The following CEP126 variants were observed in gnomAD, a reference collection of about 807,000 sequenced individuals.
CEP126 encodes the protein centrosomal protein of 126 kDa.
Under a neutral mutation model 107.8 loss-of-function variants are expected in CEP126, and 74 were observed. The observed-to-expected ratio is 0.69, with a 90% confidence interval of 0.57 to 0.83. The LOEUF (loss-of-function observed/expected upper bound fraction) is 0.83. Ranked by LOEUF, CEP126 falls within the 40% of genes least tolerant of loss-of-function variation. CEP126 has a pLI of 0.00. For synonymous variants in CEP126, 449 were observed against 446.0 expected, an observed-to-expected ratio of 1.01 and a Z score of -0.08; for missense variants, 1,237 against 1,281.9, an observed-to-expected ratio of 0.96 and a Z score of 0.53.
At chr11:101,990,153 G>A (rs1941361174) in intron 9 of CEP126, among the ~76,000 whole-genome samples, 1 of 151,632 alleles carries the variant, frequency 6.6e-6, no homozygotes, top group African/African-American at 2.4e-5. Context: ...GGAGCCATAG[G>A]CACAAGGGAA....
Position 101,922,775 on chromosome 11 carries a change from T to C in CEP126, c.248+15T>C. 1 of 1,602,258 alleles carries C rather than the reference T, an allele frequency of 6.2e-7. No homozygotes were observed. Among genetic ancestry groups the C allele is most frequent in the South Asian group, 1.1e-5 (1 of 90,492 alleles). On this transcript the variant is annotated intron_variant, in intron 2 of 10. Transcript: ENST00000263468. Reference sequence around the variant, plus strand: ...CGGAGAAAAAAGTAAGTAATTGCACTTTATTCAGAAGTATAGAAATTCAAA... The same window carrying C: ...CGGAGAAAAAAGTAAGTAATTGCACCTTATTCAGAAGTATAGAAATTCAAA...
At chr11:101,966,461 A>G (rs985720371) in intron 6 of CEP126, among the ~76,000 whole-genome samples, 2 of 152,122 alleles carry the variant, frequency 1.3e-5, no homozygotes, top group African/African-American at 2.4e-5. Context: ...GCATTTCCAG[A>G]ACACTCTAGC....
intron 5 of CEP126, 142 bp downstream of exon 5, chr11:101,958,508 C>G: frequency 1.5e-6 from 1 of 653,548 alleles, no homozygotes; most frequent in Non-Finnish European, 2.6e-6. Flanking sequence ...AGCACAAATT[C>G]ATCATAGAAA....
At chr11:101,977,736 A>G (rs1387681958) in intron 6 of CEP126, among the ~76,000 whole-genome samples, 1 of 152,154 alleles carries the variant, frequency 6.6e-6, no homozygotes, top group Non-Finnish European at 1.5e-5. Context: ...AAGCCCTACA[A>G]AAGTTATTTT....
At chr11:101,925,209 TA>T (rs1222850755) in intron 2 of CEP126, among the ~76,000 whole-genome samples, 1 of 152,210 alleles carries the variant, frequency 6.6e-6, no homozygotes, top group East Asian at 1.9e-4. Flanking sequence ...TGTATTCCAT[TA>T]GTTTGCTGGA....
Position 101,962,609 on chromosome 11 carries a change from C to T in CEP126, c.1574C>T (p.Ala525Val), listed in dbSNP as rs764696340. The part of the protein sequence containing the change: ...LPLFSDSFQD[A>V]YIPHNPDSKD... ...TTATTTTCAGACAGTTTTCAAGATG[C>T]CTATATACCTCACAATCCTGATTCA... The change falls in exon 6 of 11, where the codon GCC becomes GTC. Residue 525 changes from alanine to valine, a missense_variant. Physicochemically the swap from Ala to Val is moderately conservative, Grantham distance 64. Coordinates refer to ENST00000263468, the MANE Select transcript of CEP126 (RefSeq NM_020802.4). 6.2e-7 allele frequency: 1 copy of T among 1,613,484 alleles called. No individual in the cohort carries two copies. Among genetic ancestry groups the T allele is most frequent in the Non-Finnish European group, 8.5e-7 (1 of 1,179,830 alleles).
intron 3 of CEP126, 51 bp from the exon 4 acceptor site, chr11:101,947,980 C>T: frequency 2.4e-6 from 2 of 819,766 alleles, no homozygotes; most frequent in Non-Finnish European, 3.8e-6. Context: ...TGTAAAGTGA[C>T]CACTGAAGAT....
chr11:101,962,116 A>G lies in CEP126; in HGVS notation c.1081A>G (p.Thr361Ala). The change falls in exon 6 of 11, where the codon ACA (threonine) becomes GCA (alanine). Residue 361 changes from threonine to alanine, a missense_variant. Transcript: ENST00000263468. ...SPLNGTVERA[T>A]NTANNSVPFV... ...TTTGAATGGAACAGTGGAAAGAGCC[A>G]CAAATACTGCTAATAATTCAGTACC... 2 of 1,612,184 alleles carry G rather than the reference A, an allele frequency of 1.2e-6. No homozygotes were observed.
intron 4 of CEP126, among the ~76,000 whole-genome samples, chr11:101,951,279 G>T (rs2137101774): frequency 6.6e-6 from 1 of 152,150 alleles, no homozygotes; most frequent in Admixed American, 6.6e-5. Flanking sequence ...TGAGGAAGGA[G>T]AATCAATTAA....
intron 2 of CEP126, among the ~76,000 whole-genome samples, chr11:101,937,376 G>A (rs1249608811): frequency 1.3e-5 from 2 of 152,182 alleles, no homozygotes; most frequent in Admixed American, 6.5e-5. Context: ...TCAAGGTAAT[G>A]AACCAGTACA....
At position 101,962,429 on chromosome 11, in the gene CEP126, T is replaced by C. The variant is rs1940989674; in HGVS notation, c.1394T>C (p.Leu465Ser). 1 of 1,613,906 alleles carries C rather than the reference T, an allele frequency of 6.2e-7. No homozygotes were observed. ...GTACCAGTGGCAACGCCTTTAGTTT[T>C]GCCATCTAATATACAGTCAGCTAGA... ...SCVPVATPLV[L>S]PSNIQSARPS... is the part of the protein sequence containing the mutation. Residue 465 changes from leucine to serine, a missense_variant, in exon 6 of 11, where the codon TTG becomes TCG. This residue lies in a region of CEP126 where 1,134 missense variants were observed against 1,150.5 expected (regional missense o/e 0.99). Coordinates refer to ENST00000263468, the MANE Select transcript of CEP126 (RefSeq NM_020802.4).
intron 4 of CEP126, chr11:101,956,626 T>C (rs1940896729): frequency 2.2e-6 from 1 of 456,278 alleles, no homozygotes; most frequent in Non-Finnish European, 4.4e-6. Flanking sequence ...CGACTTCCTG[T>C]TCTACTTCTC....
At chr11:101,992,461 G>T (rs915050918) in intron 9 of CEP126, among the ~76,000 whole-genome samples, 5 of 151,670 alleles carry the variant, frequency 3.3e-5, no homozygotes, top group African/African-American at 4.8e-5. Context: ...CTCCAAGGAT[G>T]AAATTAATAT....
chr11:101,979,489 T>A (rs1038205012), intron 7 of CEP126, among the ~76,000 whole-genome samples: 1 of 152,188 alleles, frequency 6.6e-6, no homozygotes, highest in Non-Finnish European at 1.5e-5. Context: ...GGCTCATGCC[T>A]GTAGTCCCAG....
chr11:101,997,503 G>C, intron 10 of CEP126, 96 bp from the exon 11 acceptor site: 1 of 1,589,606 alleles, frequency 6.3e-7, no homozygotes, highest in Non-Finnish European at 8.6e-7. Flanking sequence ...ATGTCAGGAT[G>C]TGTTGAATAT....
At chr11:101,959,991 G>A (rs1271855860) in intron 5 of CEP126, among the ~76,000 whole-genome samples, 10 of 152,128 alleles carry the variant, frequency 6.6e-5, no homozygotes, top group Admixed American at 2.6e-4. Context: ...AGAAACCATC[G>A]CTGGAAATGT....
chr11:101,929,441 T>C (rs1364229684), intron 2 of CEP126, among the ~76,000 whole-genome samples: 1 of 152,176 alleles, frequency 6.6e-6, no homozygotes, highest in East Asian at 1.9e-4. Flanking sequence ...GGTTCATCAC[T>C]CAGCCTCTGT....
chr11:101,970,796 A>G (rs1046475049), intron 6 of CEP126, among the ~76,000 whole-genome samples: 1 of 152,178 alleles, frequency 6.6e-6, no homozygotes, highest in Non-Finnish European at 1.5e-5. Context: ...TATTGAAACA[A>G]AGTTAATTCT....
At chr11:101,932,405 G>A (rs1940513983) in intron 2 of CEP126, among the ~76,000 whole-genome samples, 1 of 152,152 alleles carries the variant, frequency 6.6e-6, no homozygotes, top group East Asian at 1.9e-4. Context: ...ATTACTTTCT[G>A]TATACATTTT....
Sources: gnomAD v4.1 joint callset for allele counts (sites outside exome capture counted in the v4.1 genomes callset) on GRCh38, gnomAD v4.1.1 for gene constraint, gnomAD v4.1.1 regional missense constraint, MANE v1.5 for transcripts, NCBI Gene and HGNC (gene_info 2026-07-23, HGNC 2026-07-21) for gene names.